POU6F2: variants seen among roughly 807,000 people sequenced by gnomAD.
POU6F2 encodes POU class 6 homeobox 2.
POU6F2 carries 31 observed loss-of-function variants against 71.3 expected under a neutral mutation model. That is an observed-to-expected ratio of 0.43 (90% confidence interval 0.33 to 0.59). POU6F2 has a LOEUF of 0.59. POU6F2 is among the 20% of genes least tolerant of loss of function. The pLI is 0.04. For missense variants in POU6F2, 783 were observed against 856.8 expected (o/e 0.91, Z 1.07); for synonymous variants, 347 against 355.7 (o/e 0.98, Z 0.27).
At chr7:39,264,993 T>C (rs948161999) in intron 4 of POU6F2, among the ~76,000 whole-genome samples, 4 of 152,104 alleles carry the variant, frequency 2.6e-5, no homozygotes, top group East Asian at 1.9e-4. Context: ...TTAAAGGAGG[T>C]TGTTAGGCCT....
At chr7:39,264,779 C>A (rs1454936369) in intron 4 of POU6F2, among the ~76,000 whole-genome samples, 1 of 152,036 alleles carries the variant, frequency 6.6e-6, no homozygotes, top group Non-Finnish European at 1.5e-5. Flanking sequence ...TGCATATATA[C>A]ATACATATAT....
At chr7:39,282,296 T>C (rs1375995648) in intron 4 of POU6F2, among the ~76,000 whole-genome samples, 4 of 152,126 alleles carry the variant, frequency 2.6e-5, no homozygotes, top group Non-Finnish European at 5.9e-5. Context: ...TAGGTTGGTA[T>C]AGTCCTATCT....
chr7:39,329,729 C>G (rs1785598326), intron 4 of POU6F2, among the ~76,000 whole-genome samples: 1 of 152,052 alleles, frequency 6.6e-6, no homozygotes, highest in Non-Finnish European at 1.5e-5. Flanking sequence ...TGGCTTCTTG[C>G]CCTCCCATCC....
intron 1 of POU6F2, among the ~76,000 whole-genome samples, chr7:39,063,949 A>G (rs962300163): frequency 6.6e-6 from 1 of 152,128 alleles, no homozygotes; most frequent in African/African-American, 2.4e-5. Flanking sequence ...ACAGAAATAC[A>G]TTATCAGATA....
At chr7:39,311,220 A>G (rs1262255548) in intron 4 of POU6F2, among the ~76,000 whole-genome samples, 2 of 151,966 alleles carry the variant, frequency 1.3e-5, no homozygotes, top group Non-Finnish European at 1.5e-5. Context: ...ACCCATTCAC[A>G]CTATGCAGAG....
chr7:39,029,902 G>A lies in POU6F2; in HGVS notation c.105+51844G>A, dbSNP rs1168941496. Among the ~76,000 whole-genome samples the A allele has an allele frequency of 3.3e-5, 5 of 152,136 alleles. No individual in the cohort carries two copies. In the East Asian group the frequency reaches 9.7e-4, roughly 29 times the overall value. On this transcript the variant is annotated intron_variant, in intron 1 of 9. Coordinates refer to ENST00000518318, the MANE Select transcript of POU6F2 (RefSeq NM_001370959.1). The stretch of plus-strand genomic sequence containing the variant: ...GGGTTAAAAGTGACTTGGTCATGAT[G>A]CATTATCATTTTTATATACACTACT...
chr7:38,994,530 G>A (rs1378228453), intron 1 of POU6F2, among the ~76,000 whole-genome samples: 2 of 152,174 alleles, frequency 1.3e-5, no homozygotes, highest in African/African-American at 4.8e-5. Context: ...TAGGACTAGA[G>A]GCTGACATAC....
chr7:39,388,596 A>G (rs547777520), intron 5 of POU6F2, among the ~76,000 whole-genome samples: 66 of 152,302 alleles, frequency 4.3e-4, no homozygotes, highest in African/African-American at 1.5e-3. Context: ...GATTACAGGC[A>G]TGAGCCACTG....
At chr7:39,307,430 C>T (rs534382099) in intron 4 of POU6F2, among the ~76,000 whole-genome samples, 5 of 152,244 alleles carry the variant, frequency 3.3e-5, no homozygotes, top group African/African-American at 1.2e-4. Context: ...ATCTATCATA[C>T]TCGATAATAT....
At chr7:39,233,484 T>G (rs1319478432) in intron 4 of POU6F2, among the ~76,000 whole-genome samples, 2 of 152,206 alleles carry the variant, frequency 1.3e-5, no homozygotes, top group Non-Finnish European at 2.9e-5. Flanking sequence ...TACATTCTCA[T>G]TCTCTGGGAC....
intron 2 of POU6F2, among the ~76,000 whole-genome samples, chr7:39,160,577 C>G (rs770613276): frequency 6.6e-6 from 1 of 152,204 alleles, no homozygotes; most frequent in Non-Finnish European, 1.5e-5. Context: ...TCATCTAAAA[C>G]TGACCTCCTG....
rs1427841983 is a variant in POU6F2, at chr7:39,008,354, G to A, written c.105+30296G>A. ...TGAGAAGTGTCTGTTCATGTCCTTCGCCCACTTTTTGATGGGGTTGTTTTT... is the reference window on the plus strand; with the variant it reads ...TGAGAAGTGTCTGTTCATGTCCTTCACCCACTTTTTGATGGGGTTGTTTTT... On this transcript the variant is annotated intron_variant, in intron 1 of 9. Transcript: ENST00000518318. Among the ~76,000 whole-genome samples, 12 of 152,120 alleles carry A rather than the reference G, an allele frequency of 7.9e-5. No individual in the cohort carries two copies. In the South Asian group the frequency reaches 1.7e-3, roughly 21 times the overall value.
At chr7:39,016,021 T>TTG (rs1789522309) in intron 1 of POU6F2, among the ~76,000 whole-genome samples, 6 of 88,342 alleles carry the variant, frequency 6.8e-5, no homozygotes, top group South Asian at 3.6e-4. Flanking sequence ...ATATTATATA[T>TTG]ATTATATATA....
intron 1 of POU6F2, among the ~76,000 whole-genome samples, chr7:38,988,474 A>G (rs1213664453): frequency 6.6e-6 from 1 of 152,012 alleles, no homozygotes; most frequent in African/African-American, 2.4e-5. Context: ...TCTGGTATTC[A>G]TTTCATGTAT....
chr7:39,015,670 A>G (rs1789472089), intron 1 of POU6F2, among the ~76,000 whole-genome samples: 1 of 100,176 alleles, frequency 1.0e-5, no homozygotes, highest in East Asian at 2.5e-4. Context: ...ATATAGATAT[A>G]TTATATCTAT....
At chr7:39,023,964 C>T (rs1457492899) in intron 1 of POU6F2, among the ~76,000 whole-genome samples, 2 of 152,130 alleles carry the variant, frequency 1.3e-5, no homozygotes, top group African/African-American at 4.8e-5. Context: ...AAAACCTTTG[C>T]TTAGGATTGA....
intron 5 of POU6F2, among the ~76,000 whole-genome samples, chr7:39,390,017 C>G (rs1218006100): frequency 6.6e-6 from 1 of 152,146 alleles, no homozygotes; most frequent in Non-Finnish European, 1.5e-5. Flanking sequence ...CAGACCTCTT[C>G]TTTTTTTGGA....
At chr7:39,320,047 G>A (rs1451702389) in intron 4 of POU6F2, among the ~76,000 whole-genome samples, 1 of 152,122 alleles carries the variant, frequency 6.6e-6, no homozygotes, top group South Asian at 2.1e-4. Flanking sequence ...CGGCTCAGAG[G>A]GTAACCTCCC....
At chr7:39,406,833 G>GC (rs1184759761) in intron 6 of POU6F2, 93 bp downstream of exon 6, 4 of 1,472,936 alleles carry the variant, frequency 2.7e-6, no homozygotes, top group Non-Finnish European at 3.8e-6. Context: ...ATATGTAACC[G>GC]CATCTATTCG....
Sources: gnomAD v4.1 joint callset for allele counts (sites outside exome capture counted in the v4.1 genomes callset) on GRCh38, gnomAD v4.1.1 for gene constraint, MANE v1.5 for transcripts, NCBI Gene and HGNC (gene_info 2026-07-23, HGNC 2026-07-21) for gene names.